OXR1: variants seen among roughly 807,000 people sequenced by gnomAD.
OXR1 encodes the protein oxidation resistance 1.
A neutral mutation model predicts 104.6 loss-of-function variants in OXR1; 41 were observed. The ratio of observed to expected loss-of-function variants is 0.39; its 90% CI spans 0.31 to 0.51. OXR1 has a LOEUF of 0.51. OXR1 is among the 20% of genes least tolerant of loss of function. The pLI is 0.77. For synonymous variants in OXR1, 348 were observed against 348.4 expected (o/e 1.00, Z 0.01); for missense variants, 955 against 1,031.9 (o/e 0.93, Z 1.02).
Position 106,444,943 on chromosome 8 carries a change from A to G in OXR1, c.24-74000A>G, listed in dbSNP as rs531672382. Among the ~76,000 whole-genome samples the G allele has an allele frequency of 5.9e-5, 9 of 152,332 alleles. No individual in the cohort carries two copies. The East Asian group carries it at 1.7e-3, about 29-fold the overall frequency. On this transcript the variant is annotated intron_variant, in intron 2 of 16. Transcript: ENST00000517566. Reference sequence around the variant, plus strand: ...GATATTAGCATTATGATAATTTAATATAAATCACAGTATTTAAGAACAAAT... The same window carrying G: ...GATATTAGCATTATGATAATTTAATGTAAATCACAGTATTTAAGAACAAAT...
intron 2 of OXR1, chr8:106,447,876 C>A: frequency 6.7e-7 from 1 of 1,485,502 alleles, no homozygotes; most frequent in South Asian, 1.3e-5. Flanking sequence ...CTGATACTAG[C>A]CCCACCCCCC....
At chr8:106,503,876 A>G (rs1475302413) in intron 2 of OXR1, among the ~76,000 whole-genome samples, 1 of 152,198 alleles carries the variant, frequency 6.6e-6, no homozygotes, top group Non-Finnish European at 1.5e-5. Context: ...ATGGAGGTCT[A>G]CTGTCAGAGC....
chr8:106,332,214 T>G (rs1240788576), intron 1 of OXR1, among the ~76,000 whole-genome samples: 3 of 152,156 alleles, frequency 2.0e-5, no homozygotes, highest in Non-Finnish European at 4.4e-5. Context: ...TGGTAAATCA[T>G]GAGCTTTAAA....
chr8:106,377,178 A>G (rs1022279806), intron 2 of OXR1, among the ~76,000 whole-genome samples: 1 of 152,136 alleles, frequency 6.6e-6, no homozygotes, highest in African/African-American at 2.4e-5. Context: ...TTTTTGGGAT[A>G]ATACACACAC....
At chr8:106,505,843 C>G (rs982012868) in intron 2 of OXR1, among the ~76,000 whole-genome samples, 13 of 152,312 alleles carry the variant, frequency 8.5e-5, no homozygotes, top group African/African-American at 2.6e-4. Context: ...CATCCAACCA[C>G]AGTGGAAAGC....
chr8:106,711,512 A>G (rs1831688191), intron 10 of OXR1, among the ~76,000 whole-genome samples: 1 of 152,156 alleles, frequency 6.6e-6, no homozygotes, highest in Non-Finnish European at 1.5e-5. Context: ...AACAAACTAC[A>G]TATACTTAAC....
chr8:106,394,281 A>G (rs1817691876), intron 2 of OXR1, among the ~76,000 whole-genome samples: 2 of 151,616 alleles, frequency 1.3e-5, no homozygotes, highest in Non-Finnish European at 2.9e-5. Context: ...TTTAATAGAT[A>G]TGCTATACAA....
At chr8:106,322,486 A>C (rs1321324234) in intron 1 of OXR1, among the ~76,000 whole-genome samples, 1 of 152,140 alleles carries the variant, frequency 6.6e-6, no homozygotes. Flanking sequence ...GAAAATCAGC[A>C]CAAGACAACT....
chr8:106,401,074 A>C (rs1232997773), intron 2 of OXR1, among the ~76,000 whole-genome samples: 1 of 152,144 alleles, frequency 6.6e-6, no homozygotes, highest in Admixed American at 6.5e-5. Context: ...CTTTATCACC[A>C]ATTTTTCAAT....
At chr8:106,736,896 A>T (rs1393032452) in intron 11 of OXR1, among the ~76,000 whole-genome samples, 1 of 152,224 alleles carries the variant, frequency 6.6e-6, no homozygotes, top group African/African-American at 2.4e-5. Flanking sequence ...GGGCTGAAGC[A>T]GACATACTTA....
intron 3 of OXR1, among the ~76,000 whole-genome samples, chr8:106,563,308 A>G (rs982229870): frequency 5.9e-5 from 9 of 151,518 alleles, no homozygotes; most frequent in African/African-American, 2.2e-4. Context: ...AAAAAAAAAA[A>G]AAAAAAGAAA....
chr8:106,386,547 A>T (rs1320785360), intron 2 of OXR1, among the ~76,000 whole-genome samples: 1 of 152,220 alleles, frequency 6.6e-6, no homozygotes, highest in African/African-American at 2.4e-5. Flanking sequence ...ATTGCCTGTT[A>T]TGTGAATCCA....
At chr8:106,508,399 A>C (rs1812307018) in intron 2 of OXR1, among the ~76,000 whole-genome samples, 1 of 152,142 alleles carries the variant, frequency 6.6e-6, no homozygotes, top group African/African-American at 2.4e-5. Context: ...TTGTATTGGG[A>C]GCACTACATA....
Position 106,649,556 on chromosome 8 carries a change from GAAA to G in OXR1, c.221-29642_221-29640del, listed in dbSNP as rs34066181. ...ATGGCAAGGTAGTTCTACTTTTTTGGAAAAAAAAAAAAAAGAAAAGATGGTCAT... is the reference window on the plus strand; with the variant it reads ...ATGGCAAGGTAGTTCTACTTTTTTGGAAAAAAAAAAAGAAAAGATGGTCAT... On this transcript the variant is annotated intron_variant, in intron 3 of 16. Coordinates refer to ENST00000517566, the MANE Select transcript of OXR1 (RefSeq NM_001198533.2). 3.2e-5 allele frequency among the ~76,000 whole-genome samples: 4 copies of G among 123,144 alleles called. No homozygotes were observed. In the East Asian group the frequency reaches 9.3e-4, roughly 29 times the overall value. 80.8% of individuals were successfully genotyped at this position (123,144 alleles called of 152,430 possible). A position where few individuals can be genotyped will look rare whatever the true frequency, so the allele number is the denominator to read the frequency against.
intron 7 of OXR1, among the ~76,000 whole-genome samples, chr8:106,700,025 C>G (rs1830446539): frequency 6.6e-6 from 1 of 152,012 alleles, no homozygotes; most frequent in Non-Finnish European, 1.5e-5. Context: ...GGTAATTTTT[C>G]TTTTGCAGAT....
intron 3 of OXR1, among the ~76,000 whole-genome samples, chr8:106,601,902 G>A (rs1297188204): frequency 6.6e-6 from 1 of 152,196 alleles, no homozygotes; most frequent in Non-Finnish European, 1.5e-5. Flanking sequence ...AGAGGCTCTA[G>A]AGGTCAGAGA....
At chr8:106,630,274 G>C (rs780045353) in intron 3 of OXR1, among the ~76,000 whole-genome samples, 1 of 152,154 alleles carries the variant, frequency 6.6e-6, no homozygotes, top group Non-Finnish European at 1.5e-5. Context: ...CAAGGTTGTT[G>C]CAGAGATGAA....
intron 3 of OXR1, among the ~76,000 whole-genome samples, chr8:106,654,885 C>T (rs1004647940): frequency 4.6e-5 from 7 of 152,072 alleles, no homozygotes; most frequent in Non-Finnish European, 1.0e-4. Flanking sequence ...TTCACAATAG[C>T]TGCAAGGTAT....
At chr8:106,281,682 C>T (rs1812289169) in intron 1 of OXR1, among the ~76,000 whole-genome samples, 1 of 151,798 alleles carries the variant, frequency 6.6e-6, no homozygotes, top group Non-Finnish European at 1.5e-5. Flanking sequence ...CGCCTGTAGT[C>T]CCAGCTACAT....
Sources: allele counts gnomAD v4.1 joint callset (sites outside exome capture counted in the v4.1 genomes callset), GRCh38; gene constraint gnomAD v4.1.1; transcripts MANE v1.5; gene names NCBI Gene and HGNC (gene_info 2026-07-23, HGNC 2026-07-21).